ITGB1: variants seen among roughly 807,000 people sequenced by gnomAD.
ITGB1 encodes the protein integrin subunit beta 1, also known as integrin beta-1.
Under a neutral mutation model 86.5 loss-of-function variants are expected in ITGB1, and 24 were observed. The observed-to-expected ratio is 0.28, with a 90% confidence interval of 0.20 to 0.39. The LOEUF is 0.39. ITGB1 is among the 10% of genes least tolerant of loss of function. The pLI, the probability that ITGB1 is intolerant of heterozygous loss-of-function variation, is 1.00. For missense variants in ITGB1, 556 were observed against 946.9 expected (o/e 0.59, Z 5.42); for synonymous variants, 323 against 316.8 (o/e 1.02, Z -0.21).
chr10:32,945,110 T>C (rs1256920983), intron 1 of ITGB1: 2 of 383,986 alleles, frequency 5.2e-6, no homozygotes, highest in African/African-American at 4.1e-5. Flanking sequence ...GAAAGTTATA[T>C]TACTTTTATT....
chr10:32,942,621 G>A (rs1265257027), intron 1 of ITGB1, among the ~76,000 whole-genome samples: 1 of 151,970 alleles, frequency 6.6e-6, no homozygotes, highest in Non-Finnish European at 1.5e-5. Flanking sequence ...GAGGGGCTGA[G>A]GTAAGAGGAC....
At chr10:32,905,794 A>G (rs539510980) in intron 15 of ITGB1, among the ~76,000 whole-genome samples, 132 of 152,330 alleles carry the variant, frequency 8.7e-4, no homozygotes, top group African/African-American at 3.1e-3. Flanking sequence ...TCCCAATACC[A>G]TCTTTATCTG....
chr10:32,916,390 A>C (rs2094931614), intron 11 of ITGB1, among the ~76,000 whole-genome samples: 1 of 152,222 alleles, frequency 6.6e-6, no homozygotes, highest in Non-Finnish European at 1.5e-5. Context: ...GGAAAAGAGG[A>C]AATCAAATTG....
chr10:32,947,538 TA>T (rs1356321151), intron 1 of ITGB1, among the ~76,000 whole-genome samples: 1 of 151,930 alleles, frequency 6.6e-6, no homozygotes, highest in Non-Finnish European at 1.5e-5. Flanking sequence ...GTTTGGGGCA[TA>T]TGTAGCTCTT....
At chr10:32,906,512 T>A (rs973347875) in intron 15 of ITGB1, 4 of 223,620 alleles carry the variant, frequency 1.8e-5, no homozygotes, top group Non-Finnish European at 3.8e-5. Context: ...ATTGCTGGAA[T>A]CTGGAAGTCA....
chr10:32,912,811 T>G (rs527239265), intron 11 of ITGB1, among the ~76,000 whole-genome samples: 1 of 152,028 alleles, frequency 6.6e-6, no homozygotes, highest in African/African-American at 2.4e-5. Context: ...TTGAAGAGAG[T>G]AGTGGTTCTC....
intron 11 of ITGB1, among the ~76,000 whole-genome samples, chr10:32,913,822 A>G (rs935728055): frequency 1.3e-5 from 2 of 152,292 alleles, no homozygotes; most frequent in South Asian, 2.1e-4. Context: ...AGAAAGCCAC[A>G]AAGATACTCC....
intron 1 of ITGB1, among the ~76,000 whole-genome samples, chr10:32,937,988 G>T (rs1167254064): frequency 6.6e-6 from 1 of 152,208 alleles, no homozygotes; most frequent in Non-Finnish European, 1.5e-5. Context: ...CGAGAGAAAA[G>T]AGTTAAGCGT....
Position 32,920,054 on chromosome 10 carries a change from T to C in ITGB1, c.1300A>G (p.Lys434Glu). 6.2e-7 allele frequency: 1 copy of C among 1,613,972 alleles called. No individual in the cohort carries two copies. The highest frequency in any genetic ancestry group is 8.5e-7 in the Non-Finnish European group (1 of 1,179,852). Residue 434 changes from lysine (K) to glutamate (E), a missense_variant, in exon 11 of 16, where the codon AAG (lysine) becomes GAG (glutamate). Transcript: ENST00000302278. ...CTGTCAGAATCCTTTTTTGGACACT[T>C]ATTTGAAGTTATGCTAATTTCAAAT... ...VQFEISITSN[K>E]CPKKDSDSFK...
intron 3 of ITGB1, 58 bp from the exon 4 acceptor site, chr10:32,930,102 C>T (rs2094978536): frequency 1.3e-6 from 1 of 777,798 alleles, no homozygotes; most frequent in Non-Finnish European, 2.2e-6. Flanking sequence ...AACCTTTTTA[C>T]ATAATAATTG....
At chr10:32,939,722 AAGTG>A (rs3035177) in intron 1 of ITGB1, among the ~76,000 whole-genome samples, 67,237 of 149,588 alleles carry the variant, frequency 0.45, 15,516 homozygotes, top group Non-Finnish European at 0.51. Context: ...CTGGGTGGGT[AAGTG>A]AGTGAGTGAG....
Position 32,935,568 on chromosome 10 carries a change from A to T in ITGB1, c.1-10T>A, listed in dbSNP as rs1333654717. 6.3e-7 allele frequency: 1 copy of T among 1,585,716 alleles called. No individual in the cohort carries two copies. The highest frequency in any genetic ancestry group is 1.7e-5 in the Admixed American group (1 of 59,912). ...TTGGTTGTAAATTCATCTGAAATGT[A>T]AAATGTGCCTTATATTAGTTATAAA... On this transcript the variant is annotated splice_polypyrimidine_tract_variant and intron_variant, in intron 1 of 15. Transcript: ENST00000302278.
At chr10:32,921,381 C>T (rs2094949406) in intron 9 of ITGB1, among the ~76,000 whole-genome samples, 1 of 152,138 alleles carries the variant, frequency 6.6e-6, no homozygotes, top group Admixed American at 6.5e-5. Context: ...ATAAAAACCC[C>T]TCCAAGTCAG....
At chr10:32,938,714 TGGCGACTGGC>T (rs1565830864) in intron 1 of ITGB1, among the ~76,000 whole-genome samples, 1 of 152,230 alleles carries the variant, frequency 6.6e-6, no homozygotes, top group African/African-American at 2.4e-5. Flanking sequence ...ATCCTGCGAC[TGGCGACTGGC>T]GGGGCACTGG....
intron 4 of ITGB1, 42 bp from the exon 5 acceptor site, chr10:32,928,306 CA>C: frequency 1.3e-6 from 1 of 770,418 alleles, no homozygotes; most frequent in Non-Finnish European, 2.2e-6. Context: ...TGCCTGTTGG[CA>C]ATCAAACGCA....
chr10:32,903,864 T>A (rs976740838), intron 15 of ITGB1, among the ~76,000 whole-genome samples: 2 of 152,210 alleles, frequency 1.3e-5, no homozygotes, highest in African/African-American at 4.8e-5. Context: ...TCCACATTTA[T>A]ATCCTATCTG....
rs530249482 is a variant in ITGB1, at chr10:32,921,160, A to G, written c.1129-775T>C. Among the ~76,000 whole-genome samples, 47 of 98,010 alleles carry G rather than the reference A, an allele frequency of 4.8e-4. 1 individual carries two copies. The Middle Eastern group carries it at 0.016, about 33-fold the overall frequency. 64.3% of individuals were successfully genotyped at this position (98,010 alleles called of 152,430 possible). A position where few individuals can be genotyped will look rare whatever the true frequency, so the allele number is the denominator to read the frequency against. On this transcript the variant is annotated intron_variant, in intron 9 of 15. Transcript: ENST00000302278. ...TTTGCTTAAGGAACCATTGTAGCCCAGCCAAAAAAAAAAAAAAACAAAATC... is the reference window on the plus strand; with the variant it reads ...TTTGCTTAAGGAACCATTGTAGCCCGGCCAAAAAAAAAAAAAAACAAAATC...
rs186719471 is a variant in ITGB1 at position 32,912,246 on chromosome 10, G to A, written c.1470-122C>T. ...AGCGTGAGCGACACAGAAGACAGGT[G>A]GTTTCTGCATTTCCAACTGAGGTAC... On this transcript the variant is annotated intron_variant, in intron 11 of 15. Coordinates refer to ENST00000302278, the MANE Select transcript of ITGB1 (RefSeq NM_002211.4). The A allele has an allele frequency of 2.6e-4, 194 of 753,166 alleles. 1 individual carries two copies. The East Asian group carries it at 5.0e-3, about 19-fold the overall frequency. The allele number at this position is 753,166 out of a possible 1,614,324, so 46.7% of individuals were successfully genotyped here.
At chr10:32,944,998 T>G in intron 1 of ITGB1, 1 of 786,462 alleles carries the variant, frequency 1.3e-6, no homozygotes, top group Non-Finnish European at 2.2e-6. Context: ...CTGCCATTAC[T>G]CCATGAGGAG....
Sources: allele counts gnomAD v4.1 joint callset (sites outside exome capture counted in the v4.1 genomes callset), GRCh38; gene constraint gnomAD v4.1.1; transcripts MANE v1.5; gene names NCBI Gene and HGNC (gene_info 2026-07-23, HGNC 2026-07-21).